AKR1C8: variants seen among roughly 807,000 people sequenced by gnomAD.
The protein encoded by AKR1C8 is aldo-keto reductase family 1 member C8.
chr10:5,168,356 G>C, the AKR1C8 span, among the ~76,000 whole-genome samples: 1 of 151,836 alleles, frequency 6.6e-6, no homozygotes, highest in African/African-American at 2.4e-5. Context: ...AGCCCTTCTT[G>C]TTCCCATTTT....
At chr10:5,120,829 TTTTTA>T in the AKR1C8 span, among the ~76,000 whole-genome samples, 3 of 152,140 alleles carry the variant, frequency 2.0e-5, no homozygotes, top group African/African-American at 4.8e-5. Context: ...AATAGTCATA[TTTTTA>T]TTTTATTTTA....
chr10:5,146,063 T>C, the AKR1C8 span, among the ~76,000 whole-genome samples: 2 of 151,512 alleles, frequency 1.3e-5, no homozygotes, highest in East Asian at 2.0e-4. Flanking sequence ...ATGGATGAAA[T>C]TGGAAATCAT....
At chr10:5,157,420 A>G in the AKR1C8 span, among the ~76,000 whole-genome samples, 2 of 152,244 alleles carry the variant, frequency 1.3e-5, no homozygotes, top group Non-Finnish European at 2.9e-5. Context: ...CTTAGTGTCA[A>G]CCAACTAGTA....
the AKR1C8 span, among the ~76,000 whole-genome samples, chr10:5,130,253 C>T: frequency 3.3e-5 from 5 of 151,754 alleles, no homozygotes; most frequent in Admixed American, 6.6e-5. Flanking sequence ...ACAAACTAGA[C>T]ATAAAAGGGA....
chr10:5,133,956 A>C, the AKR1C8 span, among the ~76,000 whole-genome samples: 282 of 152,356 alleles, frequency 1.9e-3, 2 homozygotes, highest in Non-Finnish European at 2.9e-3. Flanking sequence ...TTAAAAAATA[A>C]GGACAACTTT....
the AKR1C8 span, among the ~76,000 whole-genome samples, chr10:5,146,817 G>A: frequency 5.3e-5 from 8 of 152,142 alleles, no homozygotes; most frequent in Non-Finnish European, 8.8e-5. Context: ...CTAAGCCAAT[G>A]TCTAGAAGGG....
chr10:5,181,877 T>C, the AKR1C8 span, among the ~76,000 whole-genome samples: 6 of 152,172 alleles, frequency 3.9e-5, no homozygotes, highest in Non-Finnish European at 8.8e-5. Flanking sequence ...TAATCAACTA[T>C]AAGACTTTAA....
chr10:5,118,177 C>T, the AKR1C8 span, among the ~76,000 whole-genome samples: 1 of 152,120 alleles, frequency 6.6e-6, no homozygotes, highest in Non-Finnish European at 1.5e-5. Flanking sequence ...AAAGTACAAC[C>T]ATGTTATCCA....
chr10:5,147,682 G>A, the AKR1C8 span, among the ~76,000 whole-genome samples: 1 of 152,144 alleles, frequency 6.6e-6, no homozygotes, highest in Non-Finnish European at 1.5e-5. Context: ...GATGCAAAGG[G>A]CCAGCTCTCA....
the AKR1C8 span, among the ~76,000 whole-genome samples, chr10:5,117,153 A>G: frequency 6.6e-6 from 1 of 151,988 alleles, no homozygotes; most frequent in South Asian, 2.1e-4. Context: ...TTAAACAGGA[A>G]AAGGGTTAAA....
At chr10:5,120,392 G>A in the AKR1C8 span, among the ~76,000 whole-genome samples, 728 of 152,178 alleles carry the variant, frequency 4.8e-3, 14 homozygotes, top group African/African-American at 0.017. Context: ...GGGTCTCCAC[G>A]ATCAAGCTGG....
chr10:5,123,042 C>A, the AKR1C8 span, among the ~76,000 whole-genome samples: 1 of 152,166 alleles, frequency 6.6e-6, no homozygotes, highest in African/African-American at 2.4e-5. Context: ...TAATAAATTG[C>A]CAACTTAATG....
At chr10:5,159,648 C>T in the AKR1C8 span, among the ~76,000 whole-genome samples, 1 of 152,258 alleles carries the variant, frequency 6.6e-6, no homozygotes, top group Non-Finnish European at 1.5e-5. Flanking sequence ...ACCAAAGCTG[C>T]CATTTCCCAA....
the AKR1C8 span, chr10:5,132,515 C>A: frequency 3.3e-6 from 4 of 1,219,900 alleles, no homozygotes; most frequent in Non-Finnish European, 4.3e-6. Context: ...GCACAATTCA[C>A]CCACCTACAG....
chr10:5,121,489 C>T, the AKR1C8 span, among the ~76,000 whole-genome samples: 8 of 152,042 alleles, frequency 5.3e-5, no homozygotes, highest in East Asian at 3.9e-4. Context: ...TTGTGACAGG[C>T]GAAGAAAGCC....
chr10:5,145,385 A>G, the AKR1C8 span, among the ~76,000 whole-genome samples: 3 of 152,174 alleles, frequency 2.0e-5, no homozygotes, highest in Non-Finnish European at 4.4e-5. Context: ...ACAGCAAAAG[A>G]AACTACCATC....
chr10:5,173,287 C>T, the AKR1C8 span, among the ~76,000 whole-genome samples: 1 of 151,896 alleles, frequency 6.6e-6, no homozygotes, highest in Admixed American at 6.6e-5. Context: ...AAACTTTGAT[C>T]AGCAACAAAT....
the AKR1C8 span, chr10:5,159,840 AC>A: frequency 4.8e-5 from 23 of 483,458 alleles, no homozygotes; most frequent in Non-Finnish European, 9.4e-5. Flanking sequence ...AAGTGTGTGA[AC>A]AGCAAAAAGT....
the AKR1C8 span, among the ~76,000 whole-genome samples, chr10:5,121,313 A>T: frequency 6.6e-6 from 1 of 152,156 alleles, no homozygotes; most frequent in Admixed American, 6.6e-5. Context: ...GACAAAGATG[A>T]CACTGGAGTA....
Sources: gnomAD v4.1 joint callset for allele counts (sites outside exome capture counted in the v4.1 genomes callset) on GRCh38, gnomAD v4.1.1 for gene constraint, MANE v1.5 for transcripts, NCBI Gene and HGNC (gene_info 2026-07-23, HGNC 2026-07-21) for gene names.